The following SEMA6D variants were observed in gnomAD, a reference collection of about 807,000 sequenced individuals.
SEMA6D encodes semaphorin 6D, also known as semaphorin-6D.
A neutral mutation model predicts 106.6 loss-of-function variants in SEMA6D; 35 were observed. That is an observed-to-expected ratio of 0.33 (90% CI 0.25 to 0.44). SEMA6D has a LOEUF of 0.44. Among genes scored for constraint, SEMA6D ranks in the 20% least tolerant of loss-of-function variants. The pLI, the probability that SEMA6D is intolerant of heterozygous loss-of-function variation, is 1.00. For missense variants in SEMA6D, 1,185 were observed against 1,345.9 expected (o/e 0.88, Z 1.87); for synonymous variants, 499 against 487.7 (o/e 1.02, Z -0.31).
intron 3 of SEMA6D, among the ~76,000 whole-genome samples, chr15:47,571,870 A>T (rs565079954): frequency 7.0e-4 from 106 of 152,292 alleles, no homozygotes; most frequent in African/African-American, 2.5e-3. Flanking sequence ...TACATCCTTT[A>T]GTTCATCATT....
intron 1 of SEMA6D, among the ~76,000 whole-genome samples, chr15:47,741,522 G>C (rs760973879): frequency 1.3e-5 from 2 of 152,206 alleles, no homozygotes; most frequent in Non-Finnish European, 2.9e-5. Flanking sequence ...TTCAAGACCA[G>C]CCTGACCAAC....
chr15:47,380,130 G>T (rs1281416711), intron 1 of SEMA6D, among the ~76,000 whole-genome samples: 1 of 152,198 alleles, frequency 6.6e-6, no homozygotes, highest in East Asian at 1.9e-4. Context: ...GCCATAGTTT[G>T]ATTGGGTAAT....
At chr15:47,718,569 G>C (rs1000339454) in intron 1 of SEMA6D, 2 of 152,352 alleles carry the variant, frequency 1.3e-5, no homozygotes, top group Admixed American at 6.5e-5. Context: ...CAGCCCACCG[G>C]CCACCCCACC....
Position 47,720,856 on chromosome 15 carries a change from T to G in SEMA6D, c.-55+3164T>G, listed in dbSNP as rs542907596. 2.0e-5 allele frequency among the ~76,000 whole-genome samples: 3 copies of G among 152,374 alleles called. No individual in the cohort carries two copies. The South Asian group carries it at 6.2e-4, about 32-fold the overall frequency. Reference sequence around the variant, plus strand: ...GAAATAGGGTCATTTTTCACCCTTTTGATGCATTTTATGCAGAGTTAAGAG... The same window carrying G: ...GAAATAGGGTCATTTTTCACCCTTTGGATGCATTTTATGCAGAGTTAAGAG... On this transcript the variant is annotated intron_variant, in intron 1 of 18. Coordinates refer to ENST00000536845, the MANE Select transcript of SEMA6D (RefSeq NM_001358351.3).
intron 2 of SEMA6D, among the ~76,000 whole-genome samples, chr15:47,426,864 T>G (rs936600497): frequency 2.6e-5 from 4 of 152,264 alleles, no homozygotes; most frequent in Middle Eastern, 3.4e-3. Context: ...AATTACACAG[T>G]TTTTGTCTGC....
chr15:47,333,725 A>C (rs568477263), intron 1 of SEMA6D, among the ~76,000 whole-genome samples: 1 of 152,220 alleles, frequency 6.6e-6, no homozygotes. Flanking sequence ...CATGGACATT[A>C]CATTTTAACT....
chr15:47,198,692 A>G (rs1190575600), intron 1 of SEMA6D, among the ~76,000 whole-genome samples: 1 of 151,968 alleles, frequency 6.6e-6, no homozygotes, highest in African/African-American at 2.4e-5. Context: ...TTTGGGGAGG[A>G]TAACGGTTAA....
intron 1 of SEMA6D, among the ~76,000 whole-genome samples, chr15:47,333,433 G>A (rs2037423947): frequency 6.6e-6 from 1 of 152,098 alleles, no homozygotes; most frequent in Admixed American, 6.6e-5. Context: ...ACATAGCTGT[G>A]TAGTTCAGAT....
At chr15:47,461,631 T>C (rs1004430085) in intron 2 of SEMA6D, among the ~76,000 whole-genome samples, 2 of 152,082 alleles carry the variant, frequency 1.3e-5, no homozygotes, top group Non-Finnish European at 2.9e-5. Context: ...GTGAGGTGTA[T>C]AGGATGTTCG....
intron 1 of SEMA6D, among the ~76,000 whole-genome samples, chr15:47,308,943 C>A (rs1360902893): frequency 6.6e-6 from 1 of 152,104 alleles, no homozygotes; most frequent in South Asian, 2.1e-4. Context: ...ATGGAGTAAA[C>A]AAAGTTAAAA....
intron 3 of SEMA6D, among the ~76,000 whole-genome samples, chr15:47,577,157 A>T (rs1207619884): frequency 6.6e-6 from 1 of 152,264 alleles, no homozygotes; most frequent in Non-Finnish European, 1.5e-5. Context: ...CACAATCTTC[A>T]TAGCAGAAAG....
intron 4 of SEMA6D, among the ~76,000 whole-genome samples, chr15:47,646,052 A>G (rs2077577096): frequency 6.6e-6 from 1 of 152,054 alleles, no homozygotes; most frequent in Non-Finnish European, 1.5e-5. Flanking sequence ...TGGTGGCTTC[A>G]TTATGTAAGC....
intron 1 of SEMA6D, among the ~76,000 whole-genome samples, chr15:47,757,691 T>C (rs752414930): frequency 2.7e-4 from 41 of 152,234 alleles, no homozygotes; most frequent in African/African-American, 4.8e-5. Context: ...AAATTTATTC[T>C]ATAAGTAGTC....
intron 3 of SEMA6D, among the ~76,000 whole-genome samples, chr15:47,598,333 A>C (rs1339585255): frequency 6.6e-6 from 1 of 152,124 alleles, no homozygotes; most frequent in Non-Finnish European, 1.5e-5. Flanking sequence ...ATGTTTCATG[A>C]ATTGGTGGAA....
chr15:47,771,045 A>G lies in SEMA6D; in HGVS notation c.2482A>G (p.Ile828Val). ...AAGTCATGGGCATATCCCCAGTGCCATTGTTCTTCCAAATGCTACCCATGA... is the reference window on the plus strand; with the variant it reads ...AAGTCATGGGCATATCCCCAGTGCCGTTGTTCTTCCAAATGCTACCCATGA... ...PLSHGHIPSA[I>V]VLPNATHDYN... is the part of the protein sequence containing the mutation. Residue 828 changes from isoleucine (I) to valine (V), a missense_variant, in exon 19 of 19, where the codon ATT becomes GTT. Transcript: ENST00000536845. 1.2e-6 allele frequency: 2 copies of G among 1,614,124 alleles called. No homozygotes were observed. Among genetic ancestry groups the G allele is most frequent in the Middle Eastern group, 1.7e-4 (1 of 6,060 alleles).
intron 4 of SEMA6D, among the ~76,000 whole-genome samples, chr15:47,623,364 T>C (rs2077143940): frequency 6.6e-6 from 1 of 152,236 alleles, no homozygotes; most frequent in Non-Finnish European, 1.5e-5. Flanking sequence ...TTACCTAAAT[T>C]AACTCATTTA....
intron 4 of SEMA6D, among the ~76,000 whole-genome samples, chr15:47,628,661 T>G (rs2077243396): frequency 6.6e-6 from 1 of 152,074 alleles, no homozygotes; most frequent in African/African-American, 2.4e-5. Context: ...CCTTTGTCAG[T>G]TGTATGTATT....
intron 4 of SEMA6D, among the ~76,000 whole-genome samples, chr15:47,641,002 A>C (rs1290104106): frequency 5.9e-5 from 9 of 152,182 alleles, no homozygotes; most frequent in African/African-American, 1.7e-4. Context: ...TTGGGAAAGG[A>C]AGTCACTAGT....
chr15:47,591,080 G>A (rs2076430731), intron 3 of SEMA6D, among the ~76,000 whole-genome samples: 1 of 152,180 alleles, frequency 6.6e-6, no homozygotes, highest in Non-Finnish European at 1.5e-5. Flanking sequence ...TAGATGTAGG[G>A]AAGTTCAAGG....
Sources: allele counts gnomAD v4.1 joint callset (sites outside exome capture counted in the v4.1 genomes callset), GRCh38; gene constraint gnomAD v4.1.1; transcripts MANE v1.5; gene names NCBI Gene and HGNC (gene_info 2026-07-23, HGNC 2026-07-21).